CACNA2D1: variants seen among roughly 807,000 people sequenced by gnomAD.
CACNA2D1 encodes the protein calcium voltage-gated channel auxiliary subunit alpha2delta 1.
A neutral mutation model predicts 171.5 loss-of-function variants in CACNA2D1; 53 were observed. That is an observed-to-expected ratio of 0.31 (90% CI 0.25 to 0.39). The LOEUF is 0.39. CACNA2D1 is among the 10% of genes least tolerant of loss of function. The pLI is 1.00. For missense variants in CACNA2D1, 903 were observed against 1,299.8 expected (o/e 0.69, Z 4.69); for synonymous variants, 442 against 443.1 (o/e 1.00, Z 0.03).
chr7:82,328,342 T>C (rs1160119622), intron 3 of CACNA2D1, among the ~76,000 whole-genome samples: 1 of 152,146 alleles, frequency 6.6e-6, no homozygotes, highest in East Asian at 1.9e-4. Context: ...CTCATTTTTA[T>C]TGGGCCTCAT....
chr7:82,393,155 C>G (rs3801674), intron 1 of CACNA2D1, among the ~76,000 whole-genome samples: 44,119 of 118,138 alleles, frequency 0.37, 10,326 homozygotes, highest in African/African-American at 0.74. Flanking sequence ...GGGAGGCAGG[C>G]AGGGAGGGAG....
intron 2 of CACNA2D1, among the ~76,000 whole-genome samples, chr7:82,344,014 A>G (rs893683871): frequency 1.1e-4 from 17 of 152,322 alleles, no homozygotes; most frequent in African/African-American, 3.8e-4. Flanking sequence ...ATTTATATTC[A>G]TTTAAAGAAT....
At chr7:82,222,898 C>CTTTTT (rs796527774) in intron 3 of CACNA2D1, among the ~76,000 whole-genome samples, 11 of 124,524 alleles carry the variant, frequency 8.8e-5, no homozygotes, top group Admixed American at 1.6e-4. Context: ...TTCTTTCTTT[C>CTTTTT]TTTTTTTTTT....
intron 10 of CACNA2D1, chr7:82,051,200 T>C (rs78613166): frequency 6.5e-6 from 1 of 152,802 alleles, no homozygotes; most frequent in African/African-American, 2.4e-5. Flanking sequence ...CAGACCTGTC[T>C]CACACAGAGG....
rs573439224 is a variant in CACNA2D1 at position 82,410,508 on chromosome 7, T to C, written c.95+32857A>G. 1.1e-5 allele frequency: 11 copies of C among 985,168 alleles called. No homozygotes were observed. In the South Asian group the frequency reaches 5.2e-4, roughly 46 times the overall value. 61.0% of individuals were successfully genotyped at this position (985,168 alleles called of 1,614,324 possible). A position where few individuals can be genotyped will look rare whatever the true frequency, so the allele number is the denominator to read the frequency against. ...GGCAGTAGAAAAATTACCTCTTTCA[T>C]GAGCTCAGTGGTCTGAAGGTGCACG... On this transcript the variant is annotated intron_variant, in intron 1 of 38. Coordinates refer to ENST00000356860, the MANE Select transcript of CACNA2D1 (RefSeq NM_000722.4).
At chr7:82,401,562 G>A (rs1213752575) in intron 1 of CACNA2D1, among the ~76,000 whole-genome samples, 1 of 135,974 alleles carries the variant, frequency 7.4e-6, no homozygotes, top group Non-Finnish European at 1.6e-5. Context: ...GTTGTGGGGT[G>A]AGGGGAGGGG....
In CACNA2D1 at chr7:82,129,072, C is replaced by T. The variant is rs999310987; in HGVS notation, c.396+7563G>A. Among the ~76,000 whole-genome samples the T allele has an allele frequency of 3.9e-5, 6 of 152,146 alleles. No homozygotes were observed. In the East Asian group the frequency reaches 9.6e-4, roughly 24 times the overall value. On this transcript the variant is annotated intron_variant, in intron 5 of 38. Transcript: ENST00000356860. ...TGGCCTTACTATATATGTAACTTCA[C>T]ACTTGCTCAGGAAATTTCAGCCACT...
At chr7:82,435,256 C>T (rs367628217) in intron 1 of CACNA2D1, among the ~76,000 whole-genome samples, 1 of 151,990 alleles carries the variant, frequency 6.6e-6, no homozygotes, top group African/African-American at 2.4e-5. Context: ...AGGATTGTCT[C>T]GATCTCTCCT....
chr7:82,274,813 A>G (rs1282701900), intron 3 of CACNA2D1, among the ~76,000 whole-genome samples: 2 of 152,100 alleles, frequency 1.3e-5, no homozygotes, highest in South Asian at 4.1e-4. Context: ...CCTGACATAC[A>G]TTAAGCACCC....
chr7:82,222,684 A>G (rs1801897810), intron 3 of CACNA2D1, among the ~76,000 whole-genome samples: 1 of 151,964 alleles, frequency 6.6e-6, no homozygotes, highest in Admixed American at 6.6e-5. Context: ...AACATGGGCT[A>G]TTATAATTTA....
At chr7:81,966,856 T>A (rs955157363) in intron 31 of CACNA2D1, among the ~76,000 whole-genome samples, 1 of 151,434 alleles carries the variant, frequency 6.6e-6, no homozygotes, top group Non-Finnish European at 1.5e-5. Context: ...GGTTAGAAAC[T>A]TCCTATCCAG....
intron 6 of CACNA2D1, among the ~76,000 whole-genome samples, chr7:82,114,760 GAAAAAAAAA>G (rs34240770): frequency 9.7e-6 from 1 of 103,088 alleles, no homozygotes; most frequent in Admixed American, 1.1e-4. Flanking sequence ...CGTCCCAGAA[GAAAAAAAAA>G]AAAAAAAAAA....
At chr7:82,118,418 G>GA (rs1412283717) in intron 5 of CACNA2D1, among the ~76,000 whole-genome samples, 1 of 152,070 alleles carries the variant, frequency 6.6e-6, no homozygotes, top group African/African-American at 2.4e-5. Flanking sequence ...AGTGAAAAGA[G>GA]AAAAAATCCT....
At chr7:82,170,639 C>A in intron 3 of CACNA2D1, 30 bp from the exon 4 acceptor site, 2 of 1,593,932 alleles carry the variant, frequency 1.3e-6, no homozygotes, top group South Asian at 1.1e-5. Context: ...TCTTAGAATT[C>A]AAATGAACAC....
intron 1 of CACNA2D1, among the ~76,000 whole-genome samples, chr7:82,407,902 T>C (rs1035236175): frequency 6.6e-6 from 1 of 152,182 alleles, no homozygotes; most frequent in African/African-American, 2.4e-5. Context: ...CCCTGATAGA[T>C]TATCTTCTAA....
At chr7:82,357,669 G>A (rs929381593) in intron 1 of CACNA2D1, among the ~76,000 whole-genome samples, 30 of 133,984 alleles carry the variant, frequency 2.2e-4, no homozygotes, top group African/African-American at 8.4e-4. Context: ...GAGGGAATGG[G>A]AACTATACCA....
At chr7:82,322,605 T>A (rs2129440064) in intron 3 of CACNA2D1, among the ~76,000 whole-genome samples, 1 of 152,232 alleles carries the variant, frequency 6.6e-6, no homozygotes, top group Admixed American at 6.5e-5. Flanking sequence ...GGTGACAGAA[T>A]GATACCCTGT....
chr7:82,111,437 T>TATATAC (rs1788423864), intron 6 of CACNA2D1, among the ~76,000 whole-genome samples: 4 of 87,532 alleles, frequency 4.6e-5, no homozygotes, highest in African/African-American at 2.1e-4. Context: ...TGTATATATA[T>TATATAC]ATATATATTT....
At chr7:82,009,568 A>G (rs1799512633) in intron 15 of CACNA2D1, among the ~76,000 whole-genome samples, 1 of 152,106 alleles carries the variant, frequency 6.6e-6, no homozygotes, top group Admixed American at 6.6e-5. Context: ...AAATGCTACC[A>G]TGGTTTAAGA....
Sources: allele counts gnomAD v4.1 joint callset (sites outside exome capture counted in the v4.1 genomes callset), GRCh38; gene constraint gnomAD v4.1.1; transcripts MANE v1.5; gene names NCBI Gene and HGNC (gene_info 2026-07-23, HGNC 2026-07-21).